Variants in TNKS observed in about 807,000 individuals in gnomAD.
TNKS encodes poly [ADP-ribose] polymerase tankyrase-1.
Under a neutral mutation model 135.8 loss-of-function variants are expected in TNKS, and 72 were observed. That is an observed-to-expected ratio of 0.53 (90% CI 0.44 to 0.64). The LOEUF (loss-of-function observed/expected upper bound fraction) is 0.64. TNKS is among the 30% of genes least tolerant of loss of function. The probability of loss-of-function intolerance (pLI) is 0.00; values close to 1 mark genes in which losing one functional copy is unlikely to be tolerated. For missense variants in TNKS, 1,769 were observed against 1,674.0 expected (o/e 1.06, Z -0.99); for synonymous variants, 849 against 649.3 (o/e 1.31, Z -4.68).
chr8:9,750,231 T>A (rs576850337), intron 18 of TNKS, among the ~76,000 whole-genome samples: 23 of 152,222 alleles, frequency 1.5e-4, no homozygotes, highest in Non-Finnish European at 2.2e-4. Context: ...GTCAGCACGC[T>A]GGATTTGACC....
intron 12 of TNKS, among the ~76,000 whole-genome samples, chr8:9,725,552 G>C (rs532714815): frequency 6.6e-6 from 1 of 151,950 alleles, no homozygotes; most frequent in Non-Finnish European, 1.5e-5. Flanking sequence ...TTGGACATTG[G>C]GCTCAAAAAA....
At chr8:9,668,102 G>A (rs539365359) in intron 3 of TNKS, among the ~76,000 whole-genome samples, 4 of 152,274 alleles carry the variant, frequency 2.6e-5, no homozygotes, top group Admixed American at 2.6e-4. Context: ...GTAATCACCC[G>A]TGTGAACATT....
chr8:9,609,287 C>T (rs1348513047), intron 2 of TNKS, among the ~76,000 whole-genome samples: 1 of 151,988 alleles, frequency 6.6e-6, no homozygotes, highest in Non-Finnish European at 1.5e-5. Context: ...GACATTTTAC[C>T]AACTGTTTAT....
chr8:9,635,540 G>GATTCTCAGC (rs1461944070), intron 3 of TNKS, among the ~76,000 whole-genome samples: 3 of 152,190 alleles, frequency 2.0e-5, no homozygotes, highest in Non-Finnish European at 4.4e-5. Context: ...ATAATTATAT[G>GATTCTCAGC]ATTCTCAGCA....
At chr8:9,606,688 A>G (rs1469735186) in intron 2 of TNKS, among the ~76,000 whole-genome samples, 8 of 152,092 alleles carry the variant, frequency 5.3e-5, no homozygotes, top group Non-Finnish European at 1.2e-4. Flanking sequence ...TATGCTGGGT[A>G]TGATTTTTAG....
intron 5 of TNKS, among the ~76,000 whole-genome samples, chr8:9,698,945 A>T (rs781412170): frequency 6.6e-6 from 1 of 152,218 alleles, no homozygotes; most frequent in Non-Finnish European, 1.5e-5. Context: ...CAGTGATAAG[A>T]TTTATCTTAC....
chr8:9,742,988 TATTC>T (rs1291941571), intron 17 of TNKS, among the ~76,000 whole-genome samples: 2 of 152,146 alleles, frequency 1.3e-5, no homozygotes, highest in Non-Finnish European at 2.9e-5. Flanking sequence ...AGTTCCTTTT[TATTC>T]ATTCTATCCT....
chr8:9,710,157 G>C lies in TNKS; in HGVS notation c.1686G>C (p.Leu562=), dbSNP rs764008035. 1 of 1,614,100 alleles carries C rather than the reference G, an allele frequency of 6.2e-7. No individual in the cohort carries two copies. The highest frequency in any genetic ancestry group is 1.3e-5 in the African/African-American group (1 of 75,026). ...NEKNKDFMTP[L]HVAAERAHND... ...TTTTCTGTAGTTTCATGACTCCCCTGCATGTTGCAGCCGAAAGAGCCCATA... is the reference window on the plus strand; with the variant it reads ...TTTTCTGTAGTTTCATGACTCCCCTCCATGTTGCAGCCGAAAGAGCCCATA... Residue 562 remains leucine (L), a synonymous_variant, in exon 11 of 27, where the codon CTG becomes CTC. Transcript: ENST00000310430.
At chr8:9,564,232 C>T (rs921561437) in intron 1 of TNKS, among the ~76,000 whole-genome samples, 3 of 152,136 alleles carry the variant, frequency 2.0e-5, no homozygotes, top group Non-Finnish European at 4.4e-5. Context: ...GCATTCCCTA[C>T]CCCATCAATG....
At chr8:9,770,972 T>C (rs928506403) in intron 26 of TNKS, among the ~76,000 whole-genome samples, 3 of 152,190 alleles carry the variant, frequency 2.0e-5, no homozygotes, top group Middle Eastern at 3.4e-3. Flanking sequence ...CATACAAATA[T>C]GGAATGGAGA....
intron 12 of TNKS, among the ~76,000 whole-genome samples, chr8:9,724,428 G>C (rs1272126984): frequency 6.6e-6 from 1 of 151,448 alleles, no homozygotes; most frequent in Non-Finnish European, 1.5e-5. Context: ...TCTCTAAAAA[G>C]AAAGAACTAA....
intron 2 of TNKS, among the ~76,000 whole-genome samples, chr8:9,603,818 G>T (rs929152983): frequency 6.6e-6 from 1 of 152,252 alleles, no homozygotes; most frequent in South Asian, 2.1e-4. Flanking sequence ...ATAGCACGAG[G>T]ATATTAAGAG....
intron 5 of TNKS, among the ~76,000 whole-genome samples, chr8:9,701,086 A>C (rs974341779): frequency 6.6e-6 from 1 of 151,894 alleles, no homozygotes; most frequent in African/African-American, 2.4e-5. Context: ...GGTGCCCGCC[A>C]CCACACCTGG....
At chr8:9,604,660 T>G (rs1799150963) in intron 2 of TNKS, among the ~76,000 whole-genome samples, 1 of 151,986 alleles carries the variant, frequency 6.6e-6, no homozygotes, top group Non-Finnish European at 1.5e-5. Context: ...ATTAATGAAT[T>G]TATCCTGTTG....
chr8:9,695,544 C>G (rs1379566033), intron 5 of TNKS, among the ~76,000 whole-genome samples: 1 of 152,012 alleles, frequency 6.6e-6, no homozygotes, highest in Non-Finnish European at 1.5e-5. Flanking sequence ...TCAGTTTCTT[C>G]TTAGAGTGAG....
At chr8:9,575,211 G>A (rs536515485) in intron 1 of TNKS, 9 of 523,458 alleles carry the variant, frequency 1.7e-5, no homozygotes, top group African/African-American at 2.1e-5. Context: ...CTCAGCCTCC[G>A]GAGTAGCTGG....
At chr8:9,701,283 G>A (rs1803790583) in intron 5 of TNKS, among the ~76,000 whole-genome samples, 1 of 152,158 alleles carries the variant, frequency 6.6e-6, no homozygotes, top group Admixed American at 6.5e-5. Flanking sequence ...TCATTCATTT[G>A]AGAACTTTTG....
Position 9,733,346 on chromosome 8 carries a change from C to T in TNKS, c.2215C>T (p.His739Tyr). ...TGAGGTGGCTGAGCTTTTAGTAAGG[C>T]ATGGGGCTTCTGTCAATGTGGCGGA... ...HYEVAELLVR[H>Y]GASVNVADLW... Residue 739 changes from histidine to tyrosine, a missense_variant, in exon 15 of 27, where the codon CAT becomes TAT. By Grantham distance (83) the His-to-Tyr change is moderately conservative. Around this residue, in one of 5 missense-constraint regions of TNKS, gnomAD observed 69 missense variants for 120.3 expected, o/e 0.57. Coordinates refer to ENST00000310430, the MANE Select transcript of TNKS (RefSeq NM_003747.3). 6.2e-7 allele frequency: 1 copy of T among 1,612,206 alleles called. No homozygotes were observed. The highest frequency in any genetic ancestry group is 8.5e-7 in the Non-Finnish European group (1 of 1,179,330).
In TNKS at chr8:9,778,812, G is replaced by C. The variant is rs551451475; in HGVS notation, c.*2076G>C. 6.6e-6 allele frequency: 1 copy of C among 152,170 alleles called. No homozygotes were observed. Among genetic ancestry groups the C allele is most frequent in the African/African-American group, 2.4e-5 (1 of 41,436 alleles). The allele number at this position is 152,170 out of a possible 1,614,324, so 9.4% of individuals were successfully genotyped here. On this transcript the variant is annotated 3_prime_UTR_variant, in exon 27 of 27. Coordinates refer to ENST00000310430, the MANE Select transcript of TNKS (RefSeq NM_003747.3). ...GTAGTTTAAAATGGTAAACACAGCT[G>C]TGATTTTTAGTTAAGTAAAAGAGTT...
Sources: gnomAD v4.1 joint callset for allele counts (sites outside exome capture counted in the v4.1 genomes callset) on GRCh38, gnomAD v4.1.1 for gene constraint, gnomAD v4.1.1 regional missense constraint, MANE v1.5 for transcripts, NCBI Gene and HGNC (gene_info 2026-07-23, HGNC 2026-07-21) for gene names.